The following CD48 variants were observed in gnomAD, a reference collection of about 807,000 sequenced individuals.
The protein encoded by CD48 is CD48 antigen.
In CD48, 20 loss-of-function variants were observed where a neutral mutation model predicts 22.0. The ratio of observed to expected loss-of-function variants is 0.91; its 90% CI spans 0.64 to 1.32. CD48 has a LOEUF of 1.32. Ranked by LOEUF, CD48 falls within the 40% of genes most tolerant of loss-of-function variation. CD48 has a pLI of 0.00. For synonymous variants in CD48, 110 were observed against 110.1 expected, an observed-to-expected ratio of 1.00 and a Z score of 0.01; for missense variants, 307 against 286.5, an observed-to-expected ratio of 1.07 and a Z score of -0.52.
intron 2 of CD48, among the ~76,000 whole-genome samples, chr1:160,682,531 G>T (rs1661847179): frequency 7.5e-6 from 1 of 132,836 alleles, no homozygotes; most frequent in South Asian, 2.8e-4. Flanking sequence ...AAAAGAAAAA[G>T]AAGGGAGGGA....
chr1:160,706,265 G>A (rs1255034605), intron 1 of CD48, among the ~76,000 whole-genome samples: 1 of 151,850 alleles, frequency 6.6e-6, no homozygotes, highest in Non-Finnish European at 1.5e-5. Context: ...GTAGATACGG[G>A]GTTTCACCAT....
chr1:160,689,681 A>C (rs1338730453), intron 1 of CD48, among the ~76,000 whole-genome samples: 1 of 152,174 alleles, frequency 6.6e-6, no homozygotes, highest in East Asian at 1.9e-4. Flanking sequence ...CTGAGGAGTC[A>C]GCAGAGATCT....
intron 3 of CD48, chr1:160,680,348 C>A (rs1244378276): frequency 1.3e-5 from 2 of 154,674 alleles, no homozygotes; most frequent in Non-Finnish European, 2.8e-5. Flanking sequence ...TCATTTAGCT[C>A]CCGCTTACTA....
chr1:160,681,129 C>T (rs190382630), intron 3 of CD48, 73 bp downstream of exon 3: 40 of 1,501,178 alleles, frequency 2.7e-5, no homozygotes, highest in East Asian at 3.0e-5. Context: ...CTGAATAGGA[C>T]CCCCAGCCTT....
chr1:160,687,668 G>A (rs149139682), intron 1 of CD48, among the ~76,000 whole-genome samples: 21 of 152,258 alleles, frequency 1.4e-4, no homozygotes, highest in Middle Eastern at 3.4e-3. Flanking sequence ...GGCAATGAAG[G>A]CTTGTTCATT....
At chr1:160,691,143 T>C (rs4263943) in intron 1 of CD48, among the ~76,000 whole-genome samples, 6 of 151,902 alleles carry the variant, frequency 3.9e-5, no homozygotes, top group Admixed American at 2.6e-4. Context: ...CCCCATGTGA[T>C]AGTCTGAAAT....
chr1:160,691,555 C>A (rs352698), intron 1 of CD48: 76,031 of 165,718 alleles, frequency 0.46, 18,168 homozygotes, highest in East Asian at 0.73. Context: ...ATCTCCCTCT[C>A]GGAGAAACAC....
At chr1:160,680,771 G>A (rs1223338754) in intron 3 of CD48, 46 of 1,073,176 alleles carry the variant, frequency 4.3e-5, no homozygotes, top group South Asian at 7.2e-5. Context: ...TGACTTTGGC[G>A]GTCTAATGAC....
At chr1:160,689,625 T>C (rs892699441) in intron 1 of CD48, among the ~76,000 whole-genome samples, 1 of 152,212 alleles carries the variant, frequency 6.6e-6, no homozygotes, top group African/African-American at 2.4e-5. Context: ...TCCACTGCCA[T>C]CAGGGAGGAT....
intron 3 of CD48, chr1:160,680,719 G>C (rs955175102): frequency 9.8e-7 from 1 of 1,020,384 alleles, no homozygotes; most frequent in Non-Finnish European, 1.2e-6. Context: ...CCTCCTCGAC[G>C]GCCTCTCTCA....
chr1:160,704,452 C>T (rs1179516178), intron 1 of CD48, among the ~76,000 whole-genome samples: 1 of 152,204 alleles, frequency 6.6e-6, no homozygotes, highest in East Asian at 1.9e-4. Flanking sequence ...CCGCTACCCA[C>T]TTCAGTGAAG....
chr1:160,693,590 A>G (rs201871587), intron 1 of CD48, among the ~76,000 whole-genome samples: 13,483 of 108,858 alleles, frequency 0.12, no homozygotes, highest in Admixed American at 0.2. Flanking sequence ...GAATATAACT[A>G]TTCAAGCTAC....
chr1:160,702,106 C>T (rs1662648634), intron 1 of CD48, among the ~76,000 whole-genome samples: 3 of 152,100 alleles, frequency 2.0e-5, no homozygotes, highest in South Asian at 2.1e-4. Flanking sequence ...ATCTCATCAA[C>T]AGAATCAGAA....
intron 3 of CD48, among the ~76,000 whole-genome samples, chr1:160,679,719 C>T (rs112069406): frequency 9.1e-4 from 139 of 152,102 alleles, no homozygotes; most frequent in African/African-American, 3.2e-3. Context: ...AGGATAATTT[C>T]GGTGACTAAA....
In CD48 at chr1:160,685,155, G is replaced by A. The variant is rs1206596666; in HGVS notation, c.117C>T (p.Ser39=). The change falls in exon 2 of 4, where the codon AGC becomes AGT. Residue 39 remains serine, a synonymous_variant. Transcript: ENST00000368046. ...TCTCAGAGATGTTCAGAGTCACGTT[G>A]CTGCCGGAGACCACGGTCATATGTA... is the stretch of plus-strand genomic sequence containing the variant. ...HLVHMTVVSG[S]NVTLNISESL... 3 of 1,611,614 alleles carry A rather than the reference G, an allele frequency of 1.9e-6. No homozygotes were observed. The highest frequency in any genetic ancestry group is 1.1e-5 in the South Asian group (1 of 91,052).
chr1:160,702,109 A>T (rs1662649030), intron 1 of CD48, among the ~76,000 whole-genome samples: 1 of 152,156 alleles, frequency 6.6e-6, no homozygotes, highest in Non-Finnish European at 1.5e-5. Flanking sequence ...TCATCAACAG[A>T]ATCAGAATTA....
At chr1:160,680,948 G>A (rs1214638640) in intron 3 of CD48, 27 of 1,435,492 alleles carry the variant, frequency 1.9e-5, no homozygotes, top group Non-Finnish European at 1.5e-5. Context: ...GCGGGAGAGG[G>A]AAGAGGAGTA....
rs1661947109 is a variant in CD48, at chr1:160,685,053, T to C, written c.219A>G (p.Lys73=). The change falls in exon 2 of 4, where the codon AAA becomes AAG. Residue 73 remains lysine, a synonymous_variant. Transcript: ENST00000368046. ...DQKIVEWDSR[K]SKYFESKFKG... is the part of the protein sequence containing the mutation. ...TAAATTTGGATTCAAAGTACTTAGA[T>C]TTTCTGGAATCCCATTCTACAATCT... 1.9e-6 allele frequency: 3 copies of C among 1,614,224 alleles called. No individual in the cohort carries two copies. The highest frequency in any genetic ancestry group is 2.5e-6 in the Non-Finnish European group (3 of 1,180,040).
chr1:160,695,125 G>T (rs1257365109), intron 1 of CD48, among the ~76,000 whole-genome samples: 1 of 152,200 alleles, frequency 6.6e-6, no homozygotes, highest in African/African-American at 2.4e-5. Context: ...GGCAGAGCAG[G>T]ATTGTGAAAA....
Sources: allele counts gnomAD v4.1 joint callset (sites outside exome capture counted in the v4.1 genomes callset), GRCh38; gene constraint gnomAD v4.1.1; transcripts MANE v1.5; gene names NCBI Gene and HGNC (gene_info 2026-07-23, HGNC 2026-07-21).